BAIAP2L1: variants seen among roughly 807,000 people sequenced by gnomAD.
The protein encoded by BAIAP2L1 is BAR/IMD domain-containing adapter protein 2-like 1.
In BAIAP2L1, 35 loss-of-function variants were observed where a neutral mutation model predicts 66.3. That is an observed-to-expected ratio of 0.53 (90% CI 0.40 to 0.70). BAIAP2L1 has a LOEUF of 0.70. Among genes scored for constraint, BAIAP2L1 ranks in the 30% least tolerant of loss-of-function variants. The pLI, the probability that BAIAP2L1 is intolerant of heterozygous loss-of-function variation, is 0.00. For missense variants in BAIAP2L1, 622 were observed against 656.9 expected, an observed-to-expected ratio of 0.95 and a Z score of 0.58; for synonymous variants, 269 against 248.7, an observed-to-expected ratio of 1.08 and a Z score of -0.77.
intron 12 of BAIAP2L1, among the ~76,000 whole-genome samples, chr7:98,296,527 A>G (rs1041875939): frequency 6.6e-6 from 1 of 152,198 alleles, no homozygotes; most frequent in Admixed American, 6.5e-5. Context: ...CAGGAGGCTG[A>G]GGCAGGAGAA....
At chr7:98,385,734 T>A in intron 1 of BAIAP2L1, 1 of 1,274,608 alleles carries the variant, frequency 7.8e-7, no homozygotes, top group East Asian at 2.3e-5. Context: ...ATTTCTTTTT[T>A]TTGTTGTTTT....
intron 1 of BAIAP2L1, among the ~76,000 whole-genome samples, chr7:98,388,742 T>G (rs1028104045): frequency 6.6e-6 from 1 of 152,070 alleles, no homozygotes. Context: ...GGGAGACCGA[T>G]GCAGGCAGAC....
intron 3 of BAIAP2L1, among the ~76,000 whole-genome samples, chr7:98,338,998 A>G (rs6974979): frequency 1 from 151,614 of 151,668 alleles, 75,780 homozygotes; most frequent in Middle Eastern, 1. Context: ...GCTTGAACCC[A>G]GGAGGCAGAG....
chr7:98,358,426 T>C (rs1272174046), intron 2 of BAIAP2L1, among the ~76,000 whole-genome samples: 2 of 151,968 alleles, frequency 1.3e-5, no homozygotes, highest in Non-Finnish European at 1.5e-5. Context: ...GGTGTGATCA[T>C]AGCTCACTGC....
intron 1 of BAIAP2L1, among the ~76,000 whole-genome samples, chr7:98,363,848 T>C (rs1239737393): frequency 6.6e-6 from 1 of 152,106 alleles, no homozygotes; most frequent in Non-Finnish European, 1.5e-5. Flanking sequence ...CCCTTCAGAA[T>C]AAATGAATCA....
chr7:98,338,611 G>C (rs1183954161), intron 3 of BAIAP2L1, among the ~76,000 whole-genome samples: 1 of 152,068 alleles, frequency 6.6e-6, no homozygotes. Flanking sequence ...CTTCTTTGAC[G>C]TGGCACATAA....
At chr7:98,379,918 T>C (rs757414129) in intron 1 of BAIAP2L1, among the ~76,000 whole-genome samples, 2 of 152,106 alleles carry the variant, frequency 1.3e-5, no homozygotes, top group Non-Finnish European at 2.9e-5. Context: ...GAATGAGTAA[T>C]GATAGCAAAT....
Position 98,310,580 on chromosome 7 carries a change from A to C in BAIAP2L1, c.820T>G (p.Tyr274Asp). 1.3e-6 allele frequency: 2 copies of C among 1,588,742 alleles called. No homozygotes were observed. The highest frequency in any genetic ancestry group is 1.2e-5 in the South Asian group (1 of 85,560). Residue 274 changes from tyrosine (Y) to aspartate (D), a missense_variant, in exon 9 of 14, where the codon TAC (tyrosine) becomes GAC (aspartate). Coordinates refer to ENST00000005260, the MANE Select transcript of BAIAP2L1 (RefSeq NM_018842.5). ...IERSNVVRKD[Y>D]DTLSKCSPKM... Reference sequence around the variant, plus strand: ...GGTGAGCATTTAGAAAGGGTGTCGTAATCTTTCCTAACCTGTGAAAAATTC... The same window carrying C: ...GGTGAGCATTTAGAAAGGGTGTCGTCATCTTTCCTAACCTGTGAAAAATTC...
intron 3 of BAIAP2L1, among the ~76,000 whole-genome samples, chr7:98,350,990 G>A (rs1801987126): frequency 6.6e-6 from 1 of 152,034 alleles, no homozygotes; most frequent in Non-Finnish European, 1.5e-5. Flanking sequence ...TCAAGTAGCT[G>A]GAATTACAGG....
intron 2 of BAIAP2L1, among the ~76,000 whole-genome samples, chr7:98,360,016 G>A (rs1249782160): frequency 1.3e-5 from 2 of 151,328 alleles, no homozygotes; most frequent in Non-Finnish European, 2.9e-5. Context: ...TCTGCCTCCC[G>A]GGTTCAAGTG....
intron 2 of BAIAP2L1, among the ~76,000 whole-genome samples, chr7:98,357,385 G>A (rs1246341774): frequency 1.3e-5 from 2 of 150,968 alleles, no homozygotes; most frequent in African/African-American, 4.9e-5. Context: ...TGGCCAACAT[G>A]GTGAAATCCC....
At chr7:98,330,423 C>T (rs544780176) in intron 3 of BAIAP2L1, among the ~76,000 whole-genome samples, 3 of 151,992 alleles carry the variant, frequency 2.0e-5, no homozygotes, top group Middle Eastern at 6.8e-3. Context: ...TTTGGGAGAC[C>T]GAGGCGGGCG....
chr7:98,375,477 C>T (rs1001189755), intron 1 of BAIAP2L1, among the ~76,000 whole-genome samples: 4 of 150,084 alleles, frequency 2.7e-5, no homozygotes, highest in African/African-American at 7.4e-5. Context: ...TGGCCAGGCG[C>T]AGTGGCTCAT....
rs1287629066 is a variant in BAIAP2L1, at chr7:98,336,356, G to A, written c.215-16058C>T. On this transcript the variant is annotated intron_variant, in intron 3 of 13. Transcript: ENST00000005260. ...AGGCCAGGCGTGGTGACTCACGCCTGTAATCCCAGCACTTTGGGAGGCCGA... is the reference window on the plus strand; with the variant it reads ...AGGCCAGGCGTGGTGACTCACGCCTATAATCCCAGCACTTTGGGAGGCCGA... 3.3e-5 allele frequency among the ~76,000 whole-genome samples: 5 copies of A among 152,310 alleles called. No individual in the cohort carries two copies. In the Middle Eastern group the frequency reaches 0.01, roughly 311 times the overall value.
rs1362258548 is a variant in BAIAP2L1 at position 98,401,067 on chromosome 7, A to G, written c.-215T>C. The G allele has an allele frequency of 8.0e-6, 3 of 376,170 alleles. No homozygotes were observed. The highest frequency in any genetic ancestry group is 4.8e-5 in the Admixed American group (1 of 20,700). 23.3% of individuals were successfully genotyped at this position (376,170 alleles called of 1,614,324 possible). A position where few individuals can be genotyped will look rare whatever the true frequency, so the allele number is the denominator to read the frequency against. ...CCTGGCCTTCTTCGAGGAGCAGAGG[A>G]GAAGCGGCCGGACGCCGCCAGAGGA... On this transcript the variant is annotated 5_prime_UTR_variant, in exon 1 of 14. Transcript: ENST00000005260.
chr7:98,366,684 T>C (rs140809572), intron 1 of BAIAP2L1, among the ~76,000 whole-genome samples: 1 of 152,314 alleles, frequency 6.6e-6, no homozygotes, highest in Non-Finnish European at 1.5e-5. Context: ...CTCCCATGCC[T>C]GCCTGGAAGC....
chr7:98,355,198 T>A, intron 2 of BAIAP2L1, 70 bp from the exon 3 acceptor site: 1 of 1,081,842 alleles, frequency 9.2e-7, no homozygotes, highest in South Asian at 1.3e-5. Flanking sequence ...CAAGTTTTCT[T>A]CCAAACACCC....
intron 3 of BAIAP2L1, among the ~76,000 whole-genome samples, chr7:98,324,010 T>C (rs1217222753): frequency 6.6e-6 from 1 of 151,762 alleles, no homozygotes; most frequent in African/African-American, 2.4e-5. Context: ...AGAAATTACA[T>C]TTGAAAAGGG....
At position 98,319,039 on chromosome 7, in the gene BAIAP2L1, A is replaced by G. The variant is rs200999066; in HGVS notation, c.348+1019T>C. On this transcript the variant is annotated intron_variant, in intron 5 of 13. Transcript: ENST00000005260. ...ATGTAAATCACTTGGCATGAAATGC[A>G]CCTTAGCAGCTGTCCGGGTCCTGTG... 2.0e-5 allele frequency among the ~76,000 whole-genome samples: 3 copies of G among 151,958 alleles called. No homozygotes were observed. In the East Asian group the frequency reaches 5.8e-4, roughly 29 times the overall value.
Sources: gnomAD v4.1 joint callset for allele counts (sites outside exome capture counted in the v4.1 genomes callset) on GRCh38, gnomAD v4.1.1 for gene constraint, MANE v1.5 for transcripts, NCBI Gene and HGNC (gene_info 2026-07-23, HGNC 2026-07-21) for gene names.